The following TAFA5 variants were observed in gnomAD, a reference collection of about 807,000 sequenced individuals.
TAFA5 encodes chemokine-like protein TAFA-5.
In TAFA5, 6 loss-of-function variants were observed where a neutral mutation model predicts 15.3. That is an observed-to-expected ratio of 0.39 (90% CI 0.21 to 0.77). The LOEUF (loss-of-function observed/expected upper bound fraction) is 0.77, where lower values mean the gene tolerates loss of function less well. TAFA5 is among the 30% of genes least tolerant of loss of function. The pLI is 0.41. For missense variants in TAFA5, 161 were observed against 193.1 expected, an observed-to-expected ratio of 0.83 and a Z score of 0.98; for synonymous variants, 103 against 80.7, an observed-to-expected ratio of 1.28 and a Z score of -1.48.
At chr22:48,664,189 G>C (rs1927537721) in intron 2 of TAFA5, among the ~76,000 whole-genome samples, 1 of 152,194 alleles carries the variant, frequency 6.6e-6, no homozygotes, top group African/African-American at 2.4e-5. Context: ...GATGGCAGCT[G>C]GGTTTGGTAC....
In TAFA5 at chr22:48,641,605, C is replaced by T. The variant is rs967760978; in HGVS notation, c.113-4992C>T. Among the ~76,000 whole-genome samples, 188 of 149,556 alleles carry T rather than the reference C, an allele frequency of 1.3e-3. 2 individuals are homozygous for T. The highest frequency in any genetic ancestry group is 4.6e-3 in the African/African-American group (187 of 40,578). On this transcript the variant is annotated intron_variant, in intron 1 of 3. Coordinates refer to ENST00000402357, the MANE Select transcript of TAFA5 (RefSeq NM_001082967.3). ...CCCTCCCCTCCACCCCACACGCCCT[C>T]CGCTCGCACACAACACCCTCCCTTC...
intron 2 of TAFA5, among the ~76,000 whole-genome samples, chr22:48,666,682 G>A (rs915053165): frequency 5.3e-5 from 8 of 152,168 alleles, no homozygotes; most frequent in Admixed American, 2.0e-4. Flanking sequence ...AGGAATCCCC[G>A]TGACAGCGTC....
intron 2 of TAFA5, 123 bp downstream of exon 2, chr22:48,646,869 G>T: frequency 8.0e-7 from 1 of 1,245,836 alleles, no homozygotes; most frequent in South Asian, 1.5e-5. Context: ...CTCGGGTCAG[G>T]CCCCTGGCTG....
At chr22:48,675,051 C>T (rs1927929503) in intron 2 of TAFA5, among the ~76,000 whole-genome samples, 1 of 151,862 alleles carries the variant, frequency 6.6e-6, no homozygotes, top group Non-Finnish European at 1.5e-5. Flanking sequence ...AAGAGATTCT[C>T]CTGCCTTAGC....
intron 3 of TAFA5, among the ~76,000 whole-genome samples, chr22:48,736,847 G>T (rs1042671972): frequency 1.3e-5 from 2 of 152,218 alleles, no homozygotes; most frequent in Non-Finnish European, 2.9e-5. Flanking sequence ...ATGGGGAGTG[G>T]TTGCTGACGG....
intron 1 of TAFA5, among the ~76,000 whole-genome samples, chr22:48,626,531 C>T (rs772671715): frequency 4.6e-5 from 7 of 152,126 alleles, no homozygotes; most frequent in Non-Finnish European, 7.3e-5. Flanking sequence ...TTAATTGGGT[C>T]GTCTGTGCTC....
At chr22:48,510,131 A>G (rs1398656833) in intron 1 of TAFA5, among the ~76,000 whole-genome samples, 1 of 152,192 alleles carries the variant, frequency 6.6e-6, no homozygotes, top group African/African-American at 2.4e-5. Flanking sequence ...ATTGGTCTGC[A>G]CAAAGGTTTT....
chr22:48,716,231 C>A (rs1366809505), intron 3 of TAFA5, among the ~76,000 whole-genome samples: 1 of 152,190 alleles, frequency 6.6e-6, no homozygotes, highest in African/African-American at 2.4e-5. Flanking sequence ...ATGTATATTG[C>A]AGCACTATTT....
At chr22:48,584,948 TCA>T (rs1021776662) in intron 1 of TAFA5, among the ~76,000 whole-genome samples, 10 of 102,462 alleles carry the variant, frequency 9.8e-5, no homozygotes, top group Non-Finnish European at 2.0e-4. Context: ...TGCACTGATA[TCA>T]CACACACACC....
intron 3 of TAFA5, among the ~76,000 whole-genome samples, chr22:48,712,255 C>T (rs1341350449): frequency 6.6e-6 from 1 of 152,200 alleles, no homozygotes; most frequent in Admixed American, 6.5e-5. Flanking sequence ...CAGGGTTTCA[C>T]CATGTTGGCC....
chr22:48,519,343 G>A (rs1921525063), intron 1 of TAFA5, among the ~76,000 whole-genome samples: 1 of 152,260 alleles, frequency 6.6e-6, no homozygotes, highest in South Asian at 2.1e-4. Flanking sequence ...GGAGCCTAAT[G>A]CCCTAATCTG....
intron 3 of TAFA5, among the ~76,000 whole-genome samples, chr22:48,709,740 A>C (rs1285174865): frequency 6.6e-6 from 1 of 152,142 alleles, no homozygotes; most frequent in East Asian, 1.9e-4. Context: ...TGCTCAGTTC[A>C]CCGGGGTGGG....
At chr22:48,712,244 G>A (rs1485845099) in intron 3 of TAFA5, among the ~76,000 whole-genome samples, 1 of 152,112 alleles carries the variant, frequency 6.6e-6, no homozygotes, top group Non-Finnish European at 1.5e-5. Flanking sequence ...TTTAGTAGAG[G>A]CAGGGTTTCA....
chr22:48,620,187 G>T (rs748179997), intron 1 of TAFA5, among the ~76,000 whole-genome samples: 1 of 151,936 alleles, frequency 6.6e-6, no homozygotes, highest in Admixed American at 6.6e-5. Context: ...TCCTCTCCTC[G>T]TGCCCACTGC....
chr22:48,642,873 A>G (rs1034846639), intron 1 of TAFA5, among the ~76,000 whole-genome samples: 1 of 151,842 alleles, frequency 6.6e-6, no homozygotes, highest in Non-Finnish European at 1.5e-5. Flanking sequence ...CACAGGGGGA[A>G]CAGCTGTGGG....
At chr22:48,606,925 G>A (rs1334165724) in intron 1 of TAFA5, among the ~76,000 whole-genome samples, 1 of 152,144 alleles carries the variant, frequency 6.6e-6, no homozygotes, top group Admixed American at 6.5e-5. Context: ...GCTTGCTTCT[G>A]TCCAGGTTTC....
intron 3 of TAFA5, among the ~76,000 whole-genome samples, chr22:48,720,161 G>C (rs888696482): frequency 6.6e-6 from 1 of 152,208 alleles, no homozygotes; most frequent in Admixed American, 6.5e-5. Context: ...GGTGTGGCGG[G>C]GCTGGGGATT....
chr22:48,745,305 G>A (rs978556477), intron 3 of TAFA5, among the ~76,000 whole-genome samples: 5 of 130,600 alleles, frequency 3.8e-5, no homozygotes, highest in African/African-American at 1.2e-4. Context: ...CAGCTTTGTC[G>A]TCGGCGGCTG....
At chr22:48,508,084 T>A (rs889358978) in intron 1 of TAFA5, among the ~76,000 whole-genome samples, 6 of 152,066 alleles carry the variant, frequency 3.9e-5, no homozygotes, top group African/African-American at 1.4e-4. Context: ...GGTTGCTGGG[T>A]GCTGGTGCAA....
Sources: allele counts gnomAD v4.1 joint callset (sites outside exome capture counted in the v4.1 genomes callset), GRCh38; gene constraint gnomAD v4.1.1; transcripts MANE v1.5; gene names NCBI Gene and HGNC (gene_info 2026-07-23, HGNC 2026-07-21).